Variants in FRAS1 observed in about 807,000 individuals in gnomAD.
The protein encoded by FRAS1 is Fraser extracellular matrix complex subunit 1, also known as extracellular matrix organizing protein FRAS1.
In FRAS1, 290 loss-of-function variants were observed where a neutral mutation model predicts 435.2. The observed-to-expected ratio is 0.67, with a 90% CI of 0.61 to 0.73. The LOEUF is 0.73. Among genes scored for constraint, FRAS1 ranks in the 30% least tolerant of loss-of-function variants. The probability of loss-of-function intolerance (pLI) is 0.00; values close to 1 mark genes in which losing one functional copy is unlikely to be tolerated. For missense variants in FRAS1, 4,860 were observed against 5,001.5 expected (o/e 0.97, Z 0.85); for synonymous variants, 1,800 against 1,851.0 (o/e 0.97, Z 0.71).
chr4:78,257,310 G>T (rs1206438255), intron 6 of FRAS1, among the ~76,000 whole-genome samples: 2 of 151,972 alleles, frequency 1.3e-5, no homozygotes, highest in African/African-American at 4.8e-5. Flanking sequence ...ATATAATACT[G>T]GCTGGTGCAA....
rs533481990 is a variant in FRAS1, at chr4:78,284,647, G to A, written c.1399+99G>A. The A allele has an allele frequency of 7.5e-5, 85 of 1,130,356 alleles. No individual in the cohort carries two copies. The Middle Eastern group carries it at 2.2e-3, about 29-fold the overall frequency. 70.0% of individuals were successfully genotyped at this position (1,130,356 alleles called of 1,614,324 possible). On this transcript the variant is annotated intron_variant, in intron 13 of 73. Coordinates refer to ENST00000512123, the MANE Select transcript of FRAS1 (RefSeq NM_025074.7). Reference sequence around the variant, plus strand: ...ACTGAGGCTCAGTATTGTCAAGGAGGGGGTCATGCATGCAGCATGTTTTTG... The same window carrying A: ...ACTGAGGCTCAGTATTGTCAAGGAGAGGGTCATGCATGCAGCATGTTTTTG...
intron 52 of FRAS1, 71 bp from the exon 53 acceptor site, chr4:78,473,367 G>A (rs543756726): frequency 8.0e-7 from 1 of 1,248,456 alleles, no homozygotes; most frequent in South Asian, 1.6e-5. Context: ...AACTAGGTTT[G>A]TTGGTGTGGT....
intron 2 of FRAS1, among the ~76,000 whole-genome samples, chr4:78,085,823 A>C (rs1741128931): frequency 6.6e-6 from 1 of 152,164 alleles, no homozygotes; most frequent in Non-Finnish European, 1.5e-5. Context: ...CACAATAATA[A>C]TGGGAGACTT....
intron 72 of FRAS1, among the ~76,000 whole-genome samples, chr4:78,538,178 T>A (rs1721939499): frequency 6.6e-6 from 1 of 152,226 alleles, no homozygotes; most frequent in Admixed American, 6.5e-5. Flanking sequence ...CACTAAAAAA[T>A]ATCTTACTTA....
intron 2 of FRAS1, among the ~76,000 whole-genome samples, chr4:78,194,616 G>C (rs1722713778): frequency 1.3e-5 from 2 of 152,084 alleles, no homozygotes; most frequent in Admixed American, 1.3e-4. Flanking sequence ...TTGGTTTTCA[G>C]CTCCATCAGG....
chr4:78,517,008 T>C (rs1265833321), intron 66 of FRAS1, among the ~76,000 whole-genome samples: 1 of 152,224 alleles, frequency 6.6e-6, no homozygotes. Flanking sequence ...TAGGCTAATC[T>C]GTCCTCATGG....
chr4:78,296,074 CTT>C (rs958425043), intron 14 of FRAS1, among the ~76,000 whole-genome samples: 2 of 148,200 alleles, frequency 1.3e-5, no homozygotes, highest in African/African-American at 5.0e-5. Context: ...TCTTTCTTGA[CTT>C]TTTTTTTTCT....
intron 2 of FRAS1, among the ~76,000 whole-genome samples, chr4:78,133,180 A>G (rs967213679): frequency 2.0e-5 from 3 of 152,226 alleles, no homozygotes; most frequent in Non-Finnish European, 4.4e-5. Flanking sequence ...AGTACTAACT[A>G]TTTGGCCATA....
Position 78,379,766 on chromosome 4 carries a change from G to A in FRAS1, c.3333G>A (p.Leu1111=). 6.2e-7 allele frequency: 1 copy of A among 1,613,662 alleles called. No homozygotes were observed. The highest frequency in any genetic ancestry group is 1.1e-5 in the South Asian group (1 of 91,002). ...CTAGTCTTCATGTGAATGGTTCCCT[G>A]ATCCTCCCAATTGGTTCAATAAAGC... ...HTPSLHVNGS[L]ILPIGSIKPL... is the part of the protein sequence containing the mutation. Residue 1111 remains leucine (L), a synonymous_variant, in exon 27 of 74, where the codon CTG becomes CTA. Transcript: ENST00000512123.
Position 78,473,079 on chromosome 4 carries a change from C to T in FRAS1, c.7523-359C>T, listed in dbSNP as rs146185912. Among the ~76,000 whole-genome samples the T allele has an allele frequency of 3.7e-4, 56 of 152,280 alleles. 1 individual carries two copies. The East Asian group carries it at 8.7e-3, about 24-fold the overall frequency. On this transcript the variant is annotated intron_variant, in intron 52 of 73. Coordinates refer to ENST00000512123, the MANE Select transcript of FRAS1 (RefSeq NM_025074.7). ...TTAGGTCTGAGTATGAGGCTATAAA[C>T]ACAGAGGATGGAGTCAAAGACTTTC... is the stretch of plus-strand genomic sequence containing the variant.
At chr4:78,366,446 G>C (rs1731271272) in intron 22 of FRAS1, among the ~76,000 whole-genome samples, 1 of 152,188 alleles carries the variant, frequency 6.6e-6, no homozygotes, top group African/African-American at 2.4e-5. Flanking sequence ...CTCCAAAGTG[G>C]TATAGAATAA....
intron 20 of FRAS1, among the ~76,000 whole-genome samples, chr4:78,360,742 A>G (rs952844985): frequency 2.0e-5 from 3 of 152,180 alleles, no homozygotes; most frequent in African/African-American, 4.8e-5. Flanking sequence ...AGGAATGTCC[A>G]TAACCTGGCT....
In FRAS1 at chr4:78,375,925, C is replaced by T. The variant is rs780142290; in HGVS notation, c.3292+46C>T. 3.1e-6 allele frequency: 5 copies of T among 1,603,504 alleles called. No individual in the cohort carries two copies. The African/African-American group carries it at 4.0e-5, about 13-fold the overall frequency. ...GGTCTGGTGAATTTACCAATAATTT[C>T]TCTATGTGAAGGCTGAGTTTGCAGA... On this transcript the variant is annotated intron_variant, in intron 26 of 73. Transcript: ENST00000512123.
intron 6 of FRAS1, chr4:78,264,822 T>G (rs1726271484): frequency 1.5e-6 from 1 of 668,068 alleles, no homozygotes; most frequent in African/African-American, 1.8e-5. Flanking sequence ...TTGAGGCATG[T>G]GCAAACTTCT....
At chr4:78,119,600 C>T (rs1245526991) in intron 2 of FRAS1, among the ~76,000 whole-genome samples, 2 of 152,056 alleles carry the variant, frequency 1.3e-5, no homozygotes, top group African/African-American at 2.4e-5. Context: ...TTGTTGGACA[C>T]TTAGGTTGAT....
intron 14 of FRAS1, among the ~76,000 whole-genome samples, chr4:78,302,812 G>A (rs1728483229): frequency 6.6e-6 from 1 of 152,076 alleles, no homozygotes; most frequent in Non-Finnish European, 1.5e-5. Flanking sequence ...TAGGTTGCCT[G>A]TTCACTCTGA....
chr4:78,325,137 G>A (rs1344014417), intron 18 of FRAS1, among the ~76,000 whole-genome samples: 1 of 152,132 alleles, frequency 6.6e-6, no homozygotes, highest in Admixed American at 6.5e-5. Flanking sequence ...GATTGGTGAT[G>A]GAACTTTGGT....
At chr4:78,124,510 A>G (rs1388795079) in intron 2 of FRAS1, among the ~76,000 whole-genome samples, 1 of 152,108 alleles carries the variant, frequency 6.6e-6, no homozygotes, top group Non-Finnish European at 1.5e-5. Context: ...GGAGGATTCT[A>G]TCTTTTTCTA....
intron 2 of FRAS1, among the ~76,000 whole-genome samples, chr4:78,215,029 G>A (rs1379593389): frequency 1.3e-5 from 2 of 152,036 alleles, no homozygotes; most frequent in Admixed American, 6.6e-5. Context: ...TGCCTTTCTG[G>A]ATGCTAAGTG....
Sources: gnomAD v4.1 joint callset for allele counts (sites outside exome capture counted in the v4.1 genomes callset) on GRCh38, gnomAD v4.1.1 for gene constraint, MANE v1.5 for transcripts, NCBI Gene and HGNC (gene_info 2026-07-23, HGNC 2026-07-21) for gene names.